Variants in CCDC33 observed in about 807,000 individuals in gnomAD.
The protein encoded by CCDC33 is coiled-coil domain-containing protein 33.
In CCDC33, 94 loss-of-function variants were observed where a neutral mutation model predicts 91.9. The ratio of observed to expected loss-of-function variants is 1.02; its 90% CI spans 0.87 to 1.21. The LOEUF (loss-of-function observed/expected upper bound fraction) is 1.21, where lower values mean the gene tolerates loss of function less well. Among genes scored for constraint, CCDC33 ranks in the 50% most tolerant of loss-of-function variants. The pLI is 0.00. For missense variants in CCDC33, 940 were observed against 935.5 expected (o/e 1.00, Z -0.06); for synonymous variants, 396 against 374.5 (o/e 1.06, Z -0.66).
At chr15:74,215,988 C>T (rs1368791524), upstream of CCDC33, among the ~76,000 whole-genome samples, 1 of 152,168 alleles carries the variant, frequency 6.6e-6, no homozygotes, top group Non-Finnish European at 1.5e-5. Context: ...GATAAACCGG[C>T]GTGATTCTGA....
Position 74,244,069 on chromosome 15 carries a change from A to C in CCDC33, c.106A>C (p.Thr36Pro). Reference sequence around the variant, plus strand: ...TCACCTGTCTCCCTCTAAGAAGGAGACCATCATGGTCACCCTCCATGGGGC... The same window carrying C: ...TCACCTGTCTCCCTCTAAGAAGGAGCCCATCATGGTCACCCTCCATGGGGC... The part of the protein sequence containing the change: ...IGHLSPSKKE[T>P]IMVTLHGATN... The change falls in exon 2 of 19, where the codon ACC becomes CCC. Residue 36 changes from threonine (T) to proline (P), a missense_variant. Transcript: ENST00000398814. This position sits in a 1 kb window ranked among gnomAD's most constrained non-coding sequence, Gnocchi z 4.2. 1.9e-6 allele frequency: 3 copies of C among 1,613,744 alleles called. No homozygotes were observed. Among genetic ancestry groups the C allele is most frequent in the Non-Finnish European group, 2.5e-6 (3 of 1,179,902 alleles).
At chr15:74,332,550 G>A (rs2060460990) in intron 15 of CCDC33, 129 bp from the exon 16 acceptor site, 2 of 914,508 alleles carry the variant, frequency 2.2e-6, no homozygotes, top group East Asian at 2.4e-5. Context: ...ACTGGTGGTA[G>A]GGAGCCATTG....
intron 1 of CCDC33, among the ~76,000 whole-genome samples, chr15:74,208,228 A>G (rs1022953692): frequency 6.6e-6 from 1 of 152,128 alleles, no homozygotes; most frequent in African/African-American, 2.4e-5. Flanking sequence ...CTTCTAGAGT[A>G]GTGAGGCCCC....
rs142019115 is a variant in CCDC33, at chr15:74,258,666, G to T, written c.186-3774G>T. On this transcript the variant is annotated intron_variant, in intron 2 of 18. Transcript: ENST00000398814. ...TGTGCGCATGTGTGTGCATGTGTGTGTATGTATGTGTGGATGTGTGTGTGT... is the reference window on the plus strand; with the variant it reads ...TGTGCGCATGTGTGTGCATGTGTGTTTATGTATGTGTGGATGTGTGTGTGT... Among the ~76,000 whole-genome samples the T allele has an allele frequency of 5.2e-3, 788 of 152,312 alleles. 5 individuals carry two copies. Among genetic ancestry groups the T allele is most frequent in the Middle Eastern group, 0.051 (15 of 294 alleles).
intron 5 of CCDC33, 32 bp downstream of exon 5, chr15:74,268,490 T>C: frequency 1.6e-6 from 2 of 1,220,208 alleles, no homozygotes; most frequent in Non-Finnish European, 1.2e-6. Flanking sequence ...GGGGTGGTGG[T>C]GGGGGTGGGA....
intron 2 of CCDC33, among the ~76,000 whole-genome samples, chr15:74,249,653 G>T (rs1056386911): frequency 3.3e-5 from 5 of 152,064 alleles, no homozygotes; most frequent in African/African-American, 9.7e-5. Flanking sequence ...CTGTGACCCC[G>T]CAGTATTCAC....
intron 11 of CCDC33, among the ~76,000 whole-genome samples, chr15:74,325,480 C>T (rs1240780533): frequency 7.2e-5 from 11 of 152,038 alleles, no homozygotes; most frequent in Non-Finnish European, 2.9e-5. Context: ...AAAAGAGACT[C>T]CTGTAAGCTC....
intron 10 of CCDC33, among the ~76,000 whole-genome samples, chr15:74,284,078 A>G (rs1031776386): frequency 1.3e-5 from 2 of 152,196 alleles, no homozygotes; most frequent in African/African-American, 4.8e-5. Flanking sequence ...TTGATTCTAG[A>G]ATCTTGAAGA....
chr15:74,324,216 G>A (rs148385214), intron 11 of CCDC33, among the ~76,000 whole-genome samples: 42 of 151,904 alleles, frequency 2.8e-4, no homozygotes, highest in African/African-American at 1.0e-3. Context: ...TACCTTCATG[G>A]AGAGGGCACC....
At chr15:74,208,926 C>G (rs1445633871) in intron 1 of CCDC33, 42 of 995,544 alleles carry the variant, frequency 4.2e-5, no homozygotes, top group Non-Finnish European at 4.8e-5. Context: ...TCCTCTGAGC[C>G]CAGCACCAGC....
chr15:74,239,157 G>C (rs2075270169), intron 1 of CCDC33, among the ~76,000 whole-genome samples: 1 of 152,148 alleles, frequency 6.6e-6, no homozygotes, highest in African/African-American at 2.4e-5. Flanking sequence ...GCTCCAGCTA[G>C]TGTGACTTTT....
intron 2 of CCDC33, among the ~76,000 whole-genome samples, chr15:74,253,353 C>T (rs2075767226): frequency 1.3e-5 from 2 of 152,210 alleles, no homozygotes; most frequent in Non-Finnish European, 2.9e-5. Context: ...CCCAGGGTCA[C>T]ATGCCACAGG....
chr15:74,291,839 T>A (rs1190239967), intron 10 of CCDC33, among the ~76,000 whole-genome samples: 1 of 152,192 alleles, frequency 6.6e-6, no homozygotes, highest in Non-Finnish European at 1.5e-5. Context: ...GCCTGGTCTG[T>A]CTCAACAGAC....
chr15:74,282,110 G>A (rs1423592510), intron 10 of CCDC33, among the ~76,000 whole-genome samples: 1 of 152,338 alleles, frequency 6.6e-6, no homozygotes, highest in Non-Finnish European at 1.5e-5. Flanking sequence ...GGCTCACTGG[G>A]ATCGAGGTTC....
intron 2 of CCDC33, among the ~76,000 whole-genome samples, chr15:74,251,414 C>T (rs1217687097): frequency 1.3e-5 from 2 of 152,194 alleles, no homozygotes; most frequent in Non-Finnish European, 2.9e-5. Flanking sequence ...ACGGGGTGCC[C>T]CAGTGGACAG....
At chr15:74,262,198 C>CT (rs2076042091) in intron 2 of CCDC33, among the ~76,000 whole-genome samples, 1 of 152,178 alleles carries the variant, frequency 6.6e-6, no homozygotes, top group African/African-American at 2.4e-5. Context: ...CTGAGCCTCT[C>CT]TAAGTGAGAG....
intron 2 of CCDC33, among the ~76,000 whole-genome samples, chr15:74,246,190 T>G (rs2075523554): frequency 6.6e-6 from 1 of 152,248 alleles, no homozygotes; most frequent in African/African-American, 2.4e-5. Context: ...TTGTGAAGAC[T>G]TCAATGTAAG....
intron 1 of CCDC33, chr15:74,208,667 C>A: frequency 1.0e-6 from 1 of 974,456 alleles, no homozygotes; most frequent in Non-Finnish European, 1.2e-6. Context: ...TTGCTCCAGC[C>A]CATCACTCTG....
chr15:74,229,087 C>A (rs141403657), intron 2 of CCDC33, among the ~76,000 whole-genome samples: 1 of 152,200 alleles, frequency 6.6e-6, no homozygotes, highest in Non-Finnish European at 1.5e-5. Flanking sequence ...GTCACCCCCA[C>A]CCCCAGGCTC....
Sources: gnomAD v4.1 joint callset for allele counts (sites outside exome capture counted in the v4.1 genomes callset) on GRCh38, gnomAD v4.1.1 for gene constraint, Gnocchi (gnomAD v3.1) non-coding constraint, MANE v1.5 for transcripts, NCBI Gene and HGNC (gene_info 2026-07-23, HGNC 2026-07-21) for gene names.